The following NSUN2 variants were observed in gnomAD, a reference collection of about 807,000 sequenced individuals.
NSUN2 encodes RNA cytosine C(5)-methyltransferase NSUN2.
NSUN2 carries 63 observed loss-of-function variants against 92.7 expected under a neutral mutation model. The ratio of observed to expected loss-of-function variants is 0.68; its 90% confidence interval spans 0.56 to 0.84. NSUN2 has a LOEUF of 0.84. NSUN2 is among the 40% of genes least tolerant of loss of function. NSUN2 has a pLI of 0.00. For missense variants in NSUN2, 989 were observed against 964.9 expected (o/e 1.02, Z -0.33); for synonymous variants, 356 against 348.3 (o/e 1.02, Z -0.25).
At chr5:6,617,833 G>T in intron 8 of NSUN2, 117 bp downstream of exon 8, 1 of 696,692 alleles carries the variant, frequency 1.4e-6, no homozygotes, top group South Asian at 2.6e-5. Context: ...GGTGGCCATT[G>T]ACCATCCTCT....
chr5:6,617,854 GCTCT>G (rs2126492740), intron 8 of NSUN2, 92 bp downstream of exon 8: 1 of 912,270 alleles, frequency 1.1e-6, no homozygotes, highest in East Asian at 2.7e-5. Flanking sequence ...GATGCTTACA[GCTCT>G]CTAATTAAAG....
chr5:6,632,688 G>C lies in NSUN2; in HGVS notation c.165C>G (p.Leu55=), dbSNP rs768393616. 5.0e-6 allele frequency: 8 copies of C among 1,614,018 alleles called. No individual in the cohort carries two copies. The highest frequency in any genetic ancestry group is 5.9e-6 in the Non-Finnish European group (7 of 1,180,028). Residue 55 remains leucine, a synonymous_variant, in exon 2 of 19, where the codon CTC becomes CTG. Coordinates refer to ENST00000264670, the MANE Select transcript of NSUN2 (RefSeq NM_017755.6). ...CCCACTCGCCCTCGGGCACGATCTT[G>C]AGCTCCTGGTAGTAGTGCTCGAACA... ...NKLFEHYYQE[L]KIVPEGEWGQ...
chr5:6,607,514 C>A, intron 12 of NSUN2, 130 bp from the exon 13 acceptor site: 1 of 782,184 alleles, frequency 1.3e-6, no homozygotes, highest in Non-Finnish European at 2.0e-6. Flanking sequence ...TAGAGAAAGA[C>A]AACAGAATTT....
rs774470081 is a variant in NSUN2, at chr5:6,605,292, T to C, written c.1718A>G (p.Asn573Ser). The C allele has an allele frequency of 3.1e-6, 5 of 1,614,116 alleles. No homozygotes were observed. In the African/African-American group the frequency reaches 4.0e-5, roughly 13 times the overall value. Residue 573 changes from asparagine to serine, a missense_variant, in exon 15 of 19, where the codon AAT becomes AGT. Physicochemically the swap from Asn to Ser is conservative, Grantham distance 46. This residue lies in a region of NSUN2 where 626 missense variants were observed against 602.3 expected (regional missense o/e 1.04). Coordinates refer to ENST00000264670, the MANE Select transcript of NSUN2 (RefSeq NM_017755.6). ...VSKELRNVLL[N>S]NSEKMKVINT... The stretch of plus-strand genomic sequence containing the variant: ...TGGCACCTTCATCTTCTCACTGTTA[T>C]TCAGCAGCACATTCCGCAACTCCTT...
chr5:6,604,580 T>C lies in NSUN2; in HGVS notation c.1818+25A>G, dbSNP rs373830295. ...TGCTTCAGTCATCTGTGGCTACTGCTGTTCAAATCCACTTCCAAAATTACC... is the reference window on the plus strand; with the variant it reads ...TGCTTCAGTCATCTGTGGCTACTGCCGTTCAAATCCACTTCCAAAATTACC... On this transcript the variant is annotated intron_variant, in intron 16 of 18. Coordinates refer to ENST00000264670, the MANE Select transcript of NSUN2 (RefSeq NM_017755.6). 24 of 1,601,400 alleles carry C rather than the reference T, an allele frequency of 1.5e-5. No individual in the cohort carries two copies. In the African/African-American group the frequency reaches 3.2e-4, roughly 21 times the overall value.
chr5:6,618,035 G>A lies in NSUN2; in HGVS notation c.816-11C>T, dbSNP rs377337462. The A allele has an allele frequency of 1.2e-5, 20 of 1,606,470 alleles. No homozygotes were observed. In the East Asian group the frequency reaches 3.3e-4, roughly 27 times the overall value. On this transcript the variant is annotated splice_polypyrimidine_tract_variant and intron_variant, in intron 7 of 18. Transcript: ENST00000264670. Reference sequence around the variant, plus strand: ...ATAGTGCCGTCTCCACTGGAAAAAAGATATTTATGAGTGCAAAGCTCCCTA... The same window carrying A: ...ATAGTGCCGTCTCCACTGGAAAAAAAATATTTATGAGTGCAAAGCTCCCTA...
rs781619029 is a variant in NSUN2 at position 6,600,164 on chromosome 5, A to G, written c.2066T>C (p.Phe689Ser). Reference protein sequence around the residue: ...GWRGKASIRTFVPKNERLHYL... With the variant: ...GWRGKASIRTSVPKNERLHYL... ...ATGAAGCCGTTCATTCTTGGGCACA[A>G]AAGTTCGAATGGAGGCCTTTCCCCG... is the stretch of plus-strand genomic sequence containing the variant. The change falls in exon 19 of 19, where the codon TTT (phenylalanine) becomes TCT (serine). Residue 689 changes from phenylalanine to serine, a missense_variant. This residue lies in a region of NSUN2 where 626 missense variants were observed against 602.3 expected (regional missense o/e 1.04). Transcript: ENST00000264670. The G allele has an allele frequency of 3.7e-5, 59 of 1,614,106 alleles. No individual in the cohort carries two copies. The highest frequency in any genetic ancestry group is 4.4e-5 in the Non-Finnish European group (52 of 1,180,040).
At chr5:6,615,371 GAGC>G (rs1261517093) in intron 9 of NSUN2, among the ~76,000 whole-genome samples, 2 of 152,174 alleles carry the variant, frequency 1.3e-5, no homozygotes, top group Non-Finnish European at 2.9e-5. Flanking sequence ...ACAAAAATCT[GAGC>G]AGGATTCAAC....
At chr5:6,602,583 T>C in intron 17 of NSUN2, 83 bp from the exon 18 acceptor site, 2 of 1,187,280 alleles carry the variant, frequency 1.7e-6, no homozygotes, top group Non-Finnish European at 2.5e-6. Flanking sequence ...CCTAGTGATG[T>C]GTTAAGTATT....
intron 14 of NSUN2, among the ~76,000 whole-genome samples, chr5:6,605,758 C>T (rs1010301593): frequency 6.6e-6 from 1 of 150,874 alleles, no homozygotes; most frequent in Non-Finnish European, 1.5e-5. Flanking sequence ...AGTGCAGTGG[C>T]GCAGTCTCAG....
chr5:6,620,560 CA>C, intron 6 of NSUN2: 1 of 331,058 alleles, frequency 3.0e-6, no homozygotes, highest in Non-Finnish European at 5.4e-6. Flanking sequence ...ATTACCATGC[CA>C]AAAATGTCTT....
intron 18 of NSUN2, among the ~76,000 whole-genome samples, chr5:6,600,560 G>A (rs897700606): frequency 2.6e-5 from 4 of 152,086 alleles, no homozygotes; most frequent in Non-Finnish European, 4.4e-5. Context: ...CCGCCACCCC[G>A]TGTCACCTCA....
intron 9 of NSUN2, among the ~76,000 whole-genome samples, chr5:6,616,059 A>G (rs1737194926): frequency 6.6e-6 from 1 of 152,224 alleles, no homozygotes; most frequent in African/African-American, 2.4e-5. Flanking sequence ...ATACAAAATG[A>G]CGCAGCCACT....
intron 15 of NSUN2, chr5:6,605,054 GA>G: frequency 1.5e-6 from 1 of 654,936 alleles, no homozygotes; most frequent in East Asian, 2.7e-5. Flanking sequence ...ATGGGGCACA[GA>G]AAAGACACAG....
chr5:6,629,777 T>G (rs1382780549), intron 3 of NSUN2, among the ~76,000 whole-genome samples: 4 of 152,192 alleles, frequency 2.6e-5, no homozygotes, highest in Non-Finnish European at 4.4e-5. Context: ...TTCCCTCATG[T>G]TGTTCTCACA....
At chr5:6,604,335 AGCC>A in intron 16 of NSUN2, 59 bp from the exon 17 acceptor site, 1 of 1,454,466 alleles carries the variant, frequency 6.9e-7, no homozygotes, top group Non-Finnish European at 9.5e-7. Context: ...GAACGACAAC[AGCC>A]TGCTCTCAGG....
intron 14 of NSUN2, 49 bp downstream of exon 14, chr5:6,606,771 T>A (rs1188084208): frequency 9.8e-7 from 1 of 1,019,452 alleles, no homozygotes; most frequent in Admixed American, 1.9e-5. Context: ...CATTTGATAC[T>A]CTATAGTAAA....
intron 10 of NSUN2, among the ~76,000 whole-genome samples, 176 bp downstream of exon 10, chr5:6,611,549 A>C (rs1265991508): frequency 6.6e-6 from 1 of 151,910 alleles, no homozygotes; most frequent in Admixed American, 6.6e-5. Flanking sequence ...GCCAGGAATA[A>C]ACATGCCACT....
At chr5:6,619,342 T>C (rs1055640412) in intron 7 of NSUN2, among the ~76,000 whole-genome samples, 1 of 152,230 alleles carries the variant, frequency 6.6e-6, no homozygotes, top group African/African-American at 2.4e-5. Flanking sequence ...TCTTCCATAA[T>C]GTGGTATCGT....
Sources: gnomAD v4.1 joint callset for allele counts (sites outside exome capture counted in the v4.1 genomes callset) on GRCh38, gnomAD v4.1.1 for gene constraint, gnomAD v4.1.1 regional missense constraint, MANE v1.5 for transcripts, NCBI Gene and HGNC (gene_info 2026-07-23, HGNC 2026-07-21) for gene names.